AGBL4: variants seen among roughly 807,000 people sequenced by gnomAD.
The protein encoded by AGBL4 is cytosolic carboxypeptidase 6.
Under a neutral mutation model 66.4 loss-of-function variants are expected in AGBL4, and 58 were observed. The observed-to-expected ratio is 0.87, with a 90% CI of 0.71 to 1.09. The LOEUF is 1.09. AGBL4 is among the 50% of genes least tolerant of loss of function. The pLI is 0.00. For missense variants in AGBL4, 579 were observed against 631.0 expected (o/e 0.92, Z 0.88); for synonymous variants, 234 against 222.9 (o/e 1.05, Z -0.44).
intron 12 of AGBL4, among the ~76,000 whole-genome samples, chr1:48,535,933 GC>G (rs1175525783): frequency 6.6e-6 from 1 of 152,060 alleles, no homozygotes; most frequent in Non-Finnish European, 1.5e-5. Flanking sequence ...TTTAATCTAT[GC>G]TAGGCCCTGC....
At chr1:49,786,805 T>C (rs1644465636) in intron 2 of AGBL4, among the ~76,000 whole-genome samples, 1 of 152,234 alleles carries the variant, frequency 6.6e-6, no homozygotes, top group Non-Finnish European at 1.5e-5. Context: ...AAACAGGCAG[T>C]GTTTCCAACA....
At chr1:48,789,007 C>G (rs892287687) in intron 6 of AGBL4, among the ~76,000 whole-genome samples, 22 of 152,142 alleles carry the variant, frequency 1.4e-4, no homozygotes, top group African/African-American at 5.3e-4. Context: ...CCCAGTAATG[C>G]TAGGTGCTGG....
chr1:48,798,088 C>T lies in AGBL4; in HGVS notation c.634+69103G>A, dbSNP rs189096832. The stretch of plus-strand genomic sequence containing the variant: ...CAGAGTGGTTGCACTAGTTTACATT[C>T]CCACAAGCAATGTAAAAGTGTCCTC... On this transcript the variant is annotated intron_variant, in intron 6 of 13. Transcript: ENST00000371839. Among the ~76,000 whole-genome samples, 833 of 152,220 alleles carry T rather than the reference C, an allele frequency of 5.5e-3. 7 individuals are homozygous for T. The highest frequency in any genetic ancestry group is 6.8e-3 in the Non-Finnish European group (461 of 68,008).
chr1:48,812,351 G>A (rs1387980537), intron 6 of AGBL4, among the ~76,000 whole-genome samples: 1 of 152,170 alleles, frequency 6.6e-6, no homozygotes, highest in East Asian at 1.9e-4. Context: ...AACAGAAGGA[G>A]GAAGTAGATT....
At chr1:49,793,816 C>T (rs1451517226) in intron 2 of AGBL4, among the ~76,000 whole-genome samples, 1 of 151,548 alleles carries the variant, frequency 6.6e-6, no homozygotes, top group Non-Finnish European at 1.5e-5. Flanking sequence ...CTGAGGAAAT[C>T]TAACTCTTAG....
intron 5 of AGBL4, among the ~76,000 whole-genome samples, chr1:49,027,626 A>G (rs1203671785): frequency 1.3e-5 from 2 of 152,210 alleles, no homozygotes; most frequent in African/African-American, 4.8e-5. Flanking sequence ...GTCTATAGCT[A>G]TGATTTCACC....
chr1:48,661,417 G>C (rs898612448), intron 7 of AGBL4, among the ~76,000 whole-genome samples: 1 of 152,246 alleles, frequency 6.6e-6, no homozygotes, highest in Non-Finnish European at 1.5e-5. Context: ...GTGGGGCTGA[G>C]TGTATGAGGC....
intron 3 of AGBL4, among the ~76,000 whole-genome samples, chr1:49,439,560 ATCC>A: frequency 6.6e-6 from 1 of 152,288 alleles, no homozygotes; most frequent in Admixed American, 6.5e-5. Context: ...CGAAGTACCG[ATCC>A]TGGGTGTGTC....
intron 3 of AGBL4, among the ~76,000 whole-genome samples, chr1:49,400,941 T>C (rs972958022): frequency 2.0e-5 from 3 of 152,174 alleles, no homozygotes; most frequent in African/African-American, 7.2e-5. Context: ...ATACTAGCTA[T>C]GGGTCTGTCA....
At chr1:48,789,433 C>T (rs577191286) in intron 6 of AGBL4, among the ~76,000 whole-genome samples, 25 of 152,076 alleles carry the variant, frequency 1.6e-4, no homozygotes, top group South Asian at 4.2e-4. Flanking sequence ...GGACTACAGG[C>T]GCCCGCCACC....
intron 2 of AGBL4, among the ~76,000 whole-genome samples, chr1:49,751,808 G>C (rs1414027911): frequency 6.6e-6 from 1 of 152,164 alleles, no homozygotes; most frequent in African/African-American, 2.4e-5. Context: ...AGTCTTAGGT[G>C]ATGTATGTGT....
intron 11 of AGBL4, among the ~76,000 whole-genome samples, chr1:48,546,172 A>G (rs769001823): frequency 2.0e-5 from 3 of 152,220 alleles, no homozygotes; most frequent in Non-Finnish European, 2.9e-5. Context: ...CTGCAAAGTC[A>G]AAGTACAATT....
chr1:49,534,642 T>C (rs1651427084), intron 3 of AGBL4, among the ~76,000 whole-genome samples: 1 of 152,198 alleles, frequency 6.6e-6, no homozygotes, highest in South Asian at 2.1e-4. Context: ...GAAAGGCCAC[T>C]CCTACATCGA....
In AGBL4 at chr1:49,523,640, C is replaced by T. The variant is rs577875273; in HGVS notation, c.282+173673G>A. ...TTCTGAAAAGACCCTTAACACGTGA[C>T]GTAAGGTTGATTTTAATCCTTCCAT... On this transcript the variant is annotated intron_variant, in intron 3 of 13. Transcript: ENST00000371839. Among the ~76,000 whole-genome samples, 35 of 152,112 alleles carry T rather than the reference C, an allele frequency of 2.3e-4. No homozygotes were observed. In the South Asian group the frequency reaches 5.8e-3, roughly 25 times the overall value.
At chr1:49,440,705 TG>T (rs1346340557) in intron 3 of AGBL4, among the ~76,000 whole-genome samples, 1 of 152,118 alleles carries the variant, frequency 6.6e-6, no homozygotes, top group African/African-American at 2.4e-5. Context: ...GCTGAAATTA[TG>T]GAAAAACAGA....
intron 11 of AGBL4, among the ~76,000 whole-genome samples, chr1:48,549,994 C>T (rs75806749): frequency 0.033 from 4,995 of 152,054 alleles, 124 homozygotes; most frequent in Non-Finnish European, 0.054. Context: ...CAGATAGGGA[C>T]GGGAAGGGAG....
At chr1:49,864,632 G>A (rs1477814712) in intron 1 of AGBL4, among the ~76,000 whole-genome samples, 2 of 152,150 alleles carry the variant, frequency 1.3e-5, no homozygotes, top group Non-Finnish European at 2.9e-5. Flanking sequence ...CCCAACCTGG[G>A]AAGCCATGCT....
intron 5 of AGBL4, among the ~76,000 whole-genome samples, chr1:48,868,538 A>C (rs1648335363): frequency 6.6e-6 from 1 of 152,128 alleles, no homozygotes; most frequent in South Asian, 2.1e-4. Context: ...TCTGATTCTG[A>C]CTCTAGAGTC....
At chr1:48,931,424 C>A (rs1468676319) in intron 5 of AGBL4, among the ~76,000 whole-genome samples, 1 of 152,186 alleles carries the variant, frequency 6.6e-6, no homozygotes, top group African/African-American at 2.4e-5. Context: ...TCAAATGTGA[C>A]CTACTTAGAG....
Sources: gnomAD v4.1 joint callset for allele counts (sites outside exome capture counted in the v4.1 genomes callset) on GRCh38, gnomAD v4.1.1 for gene constraint, MANE v1.5 for transcripts, NCBI Gene and HGNC (gene_info 2026-07-23, HGNC 2026-07-21) for gene names.